Variants in NCOR2 observed in about 807,000 individuals in gnomAD.
The protein encoded by NCOR2 is CTG repeat protein 26.
In NCOR2, 81 loss-of-function variants were observed where a neutral mutation model predicts 262.9. That is an observed-to-expected ratio of 0.31 (90% CI 0.26 to 0.37). The LOEUF (loss-of-function observed/expected upper bound fraction) is 0.37. Ranked by LOEUF, NCOR2 falls within the 10% of genes least tolerant of loss-of-function variation. NCOR2 has a pLI of 1.00. For missense variants in NCOR2, 3,385 were observed against 3,621.4 expected, an observed-to-expected ratio of 0.93 and a Z score of 1.68; for synonymous variants, 1,659 against 1,559.3, an observed-to-expected ratio of 1.06 and a Z score of -1.51.
intron 10 of NCOR2, among the ~76,000 whole-genome samples, chr12:124,428,044 A>AGTGTGTGTCTGTGTGT (rs2043664003): frequency 8.9e-6 from 1 of 112,398 alleles, no homozygotes; most frequent in Non-Finnish European, 1.9e-5. Context: ...CCATGTGGCC[A>AGTGTGTGTCTGTGTGT]GTGTGTGTGT....
intron 10 of NCOR2, chr12:124,429,308 T>A: frequency 2.5e-6 from 1 of 400,448 alleles, no homozygotes; most frequent in Non-Finnish European, 4.6e-6. Context: ...ATGGGAAGAG[T>A]GAGAGGCAGG....
At chr12:124,369,293 G>A (rs1593246004) in intron 20 of NCOR2, among the ~76,000 whole-genome samples, 1 of 152,196 alleles carries the variant, frequency 6.6e-6, no homozygotes, top group South Asian at 2.1e-4. Context: ...GAGCCACCTC[G>A]AAGAAAGTGC....
chr12:124,512,608 C>T (rs1271544680), intron 1 of NCOR2, among the ~76,000 whole-genome samples: 5 of 152,214 alleles, frequency 3.3e-5, no homozygotes. Context: ...ACTCCACCAG[C>T]CCCCGCCTTT....
At chr12:124,490,066 C>T (rs751687102) in intron 1 of NCOR2, among the ~76,000 whole-genome samples, 2 of 152,176 alleles carry the variant, frequency 1.3e-5, no homozygotes, top group African/African-American at 2.4e-5. Context: ...GGGTCTCTCC[C>T]GGAATGATGG....
rs757989794 is a variant in NCOR2 at position 124,340,578 on chromosome 12, C to A, written c.5338+24G>T. The A allele has an allele frequency of 5.3e-6, 8 of 1,510,902 alleles. No homozygotes were observed. The East Asian group carries it at 1.8e-4, about 35-fold the overall frequency. The allele number at this position is 1,510,902 out of a possible 1,614,324, so 93.6% of individuals were successfully genotyped here. On this transcript the variant is annotated intron_variant, in intron 35 of 46. Coordinates refer to ENST00000405201, the Ensembl canonical transcript of NCOR2. ...CCTCCCATGGATGCCGGGGTCCCCA[C>A]CCCAGACTGGGCAGTGGCGCTACCT...
At chr12:124,538,018 C>T (rs917485304), upstream of NCOR2, 4 of 152,366 alleles carry the variant, frequency 2.6e-5, no homozygotes, top group African/African-American at 9.6e-5. Context: ...GGCCAGCCAC[C>T]TGCAGCACGT....
chr12:124,493,486 C>G (rs777754413), intron 1 of NCOR2, among the ~76,000 whole-genome samples: 3 of 152,236 alleles, frequency 2.0e-5, no homozygotes, highest in Non-Finnish European at 2.9e-5. Context: ...ACTCTCAGTA[C>G]CCCCACTTTA....
intron 15 of NCOR2, among the ~76,000 whole-genome samples, chr12:124,399,858 C>T (rs1304516782): frequency 6.6e-6 from 1 of 152,156 alleles, no homozygotes; most frequent in African/African-American, 2.4e-5. Flanking sequence ...CTGCCACTCA[C>T]ATCATCTCAT....
upstream of NCOR2, among the ~76,000 whole-genome samples, chr12:124,540,216 T>TGGGAGGGAG (rs2051248668): frequency 2.0e-5 from 2 of 98,286 alleles, no homozygotes; most frequent in African/African-American, 7.8e-5. Flanking sequence ...CCAGCAGTGG[T>TGGGAGGGAG]GGGAGGGAGG....
At chr12:124,466,438 G>A in intron 4 of NCOR2, 152 bp from the exon 7 acceptor site, 1 of 642,822 alleles carries the variant, frequency 1.6e-6, no homozygotes, top group South Asian at 1.9e-5. Flanking sequence ...GTCACCCCAG[G>A]GACTCCGCAC....
chr12:124,428,103 GC>G (rs1205482176), intron 10 of NCOR2, among the ~76,000 whole-genome samples: 2 of 135,738 alleles, frequency 1.5e-5, no homozygotes, highest in African/African-American at 2.6e-5. Flanking sequence ...GCAACAATCA[GC>G]CCAGGTGCCA....
At chr12:124,392,997 C>T (rs2041414618) in intron 16 of NCOR2, among the ~76,000 whole-genome samples, 1 of 152,188 alleles carries the variant, frequency 6.6e-6, no homozygotes, top group Admixed American at 6.5e-5. Context: ...ACTGGCAGCC[C>T]GGAGGCGGGC....
intron 7 of NCOR2, among the ~76,000 whole-genome samples, chr12:124,446,783 A>G (rs527980192): frequency 6.6e-6 from 1 of 152,390 alleles, no homozygotes; most frequent in East Asian, 1.9e-4. Context: ...TTTAGTAGAA[A>G]ATATCCAAAA....
At chr12:124,344,531 G>C (rs1328443734) in intron 32 of NCOR2, 66 bp downstream of exon 34, 1 of 1,344,596 alleles carries the variant, frequency 7.4e-7, no homozygotes, top group Admixed American at 3.0e-5. Flanking sequence ...GCTAATGGTG[G>C]ATGGGGAGGC....
chr12:124,378,122 G>A lies in NCOR2; in HGVS notation c.2167+115C>T. 2 of 1,512,666 alleles carry A rather than the reference G, an allele frequency of 1.3e-6. No individual in the cohort carries two copies. The highest frequency in any genetic ancestry group is 1.8e-6 in the Non-Finnish European group (2 of 1,134,376). 93.7% of individuals were successfully genotyped at this position (1,512,666 alleles called of 1,614,324 possible). ...TCCAGGGAGTCGAGGCCCCTTCTAAGGAGGACCCAGATGACTCAGGGGAGA... is the reference window on the plus strand; with the variant it reads ...TCCAGGGAGTCGAGGCCCCTTCTAAAGAGGACCCAGATGACTCAGGGGAGA... On this transcript the variant is annotated intron_variant, in intron 18 of 46. Transcript: ENST00000405201. The surrounding 1 kb of genome is among the most constrained non-coding windows in gnomAD (Gnocchi z 4.2).
chr12:124,540,551 G>A (rs1215158554), upstream of NCOR2, among the ~76,000 whole-genome samples: 11 of 3,060 alleles, frequency 3.6e-3, no homozygotes, highest in African/African-American at 0.025. Context: ...GGGATGGGAG[G>A]AGGATATGCA....
chr12:124,335,192 C>G (rs753682867), exon 40 of NCOR2: 1 of 1,611,440 alleles, frequency 6.2e-7, no homozygotes, highest in Non-Finnish European at 8.5e-7. Flanking sequence ...CTGGGGCGGT[C>G]TGGAGCAGCG....
chr12:124,427,217 C>T (rs1323367116), intron 10 of NCOR2, among the ~76,000 whole-genome samples: 1 of 152,158 alleles, frequency 6.6e-6, no homozygotes, highest in African/African-American at 2.4e-5. Flanking sequence ...CAGCTGGCCC[C>T]ACAGCATGCA....
chr12:124,558,425 G>A (rs538668128), intron 1 of NCOR2, among the ~76,000 whole-genome samples: 1 of 152,228 alleles, frequency 6.6e-6, no homozygotes, highest in African/African-American at 2.4e-5. Context: ...GGGAAGCCCT[G>A]CAGGCTGATG....
Sources: allele counts gnomAD v4.1 joint callset (sites outside exome capture counted in the v4.1 genomes callset), GRCh38; gene constraint gnomAD v4.1.1; non-coding constraint Gnocchi (gnomAD v3.1); transcripts MANE v1.5; gene names NCBI Gene and HGNC (gene_info 2026-07-23, HGNC 2026-07-21).